The following PBX1 variants were observed in gnomAD, a reference collection of about 807,000 sequenced individuals.
PBX1 encodes the protein PBX homeobox 1, also known as pre-B-cell leukemia transcription factor 1.
In PBX1, 6 loss-of-function variants were observed where a neutral mutation model predicts 53.4. The ratio of observed to expected loss-of-function variants is 0.11; its 90% CI spans 0.06 to 0.22. PBX1 has a LOEUF of 0.22. Among genes scored for constraint, PBX1 ranks in the 10% least tolerant of loss-of-function variants. The pLI, the probability that PBX1 is intolerant of heterozygous loss-of-function variation, is 1.00. For missense variants in PBX1, 251 were observed against 551.4 expected (o/e 0.46, Z 5.46); for synonymous variants, 204 against 212.3 (o/e 0.96, Z 0.34).
rs370054577 is a variant in PBX1 at position 164,702,175 on chromosome 1, A to G, written c.266-90319A>G. Among the ~76,000 whole-genome samples the G allele has an allele frequency of 6.0e-5, 9 of 149,036 alleles. No individual in the cohort carries two copies. In the East Asian group the frequency reaches 1.2e-3, roughly 21 times the overall value. On this transcript the variant is annotated intron_variant, in intron 2 of 8. Coordinates refer to ENST00000420696, the MANE Select transcript of PBX1 (RefSeq NM_002585.4). ...TTGCCCTGGCTGGCAGTATGAGACA[A>G]TTACCACGATGAGGTTTTTTTTTTA...
Position 164,707,418 on chromosome 1 carries a change from T to TGTGTGTGAGAGAGAGA in PBX1, c.266-85075_266-85074insTGTGTGAGAGAGAGAG, listed in dbSNP as rs58617739. On this transcript the variant is annotated intron_variant, in intron 2 of 8. Transcript: ENST00000420696. The stretch of plus-strand genomic sequence containing the variant: ...AGGTGTGTGTGTGTGTGTGTGTGTG[T>TGTGTGTGAGAGAGAGA]GAGAGAGAGAGAGAGAGAGAGAGAG... Among the ~76,000 whole-genome samples the TGTGTGTGAGAGAGAGA allele has an allele frequency of 8.4e-4, 99 of 118,252 alleles. 1 individual carries two copies. The highest frequency in any genetic ancestry group is 3.6e-3 in the African/African-American group (93 of 26,134). The allele number at this position is 118,252 out of a possible 152,430, so 77.6% of individuals were successfully genotyped here. A position where few individuals can be genotyped will look rare whatever the true frequency, so the allele number is the denominator to read the frequency against.
At chr1:164,595,582 G>GCCTA (rs961857589) in intron 2 of PBX1, among the ~76,000 whole-genome samples, 1 of 151,706 alleles carries the variant, frequency 6.6e-6, no homozygotes, top group Non-Finnish European at 1.5e-5. Flanking sequence ...CATTGTCAGC[G>GCCTA]CCTAGCTCAG....
In PBX1 at chr1:164,847,467, G is replaced by C. The variant is rs1033390093; in HGVS notation, c.*791G>C. The C allele has an allele frequency of 9.4e-7, 1 of 1,062,970 alleles. No homozygotes were observed. Among genetic ancestry groups the C allele is most frequent in the African/African-American group, 1.6e-5 (1 of 60,930 alleles). 65.8% of individuals were successfully genotyped at this position (1,062,970 alleles called of 1,614,324 possible). On this transcript the variant is annotated 3_prime_UTR_variant, in exon 9 of 9. Coordinates refer to ENST00000420696, the MANE Select transcript of PBX1 (RefSeq NM_002585.4). ...GCTAGCAATAGCTCTCAGTTTCAGA[G>C]GCACAGTCTTTGGAGACCATTCAGC... is the stretch of plus-strand genomic sequence containing the variant.
chr1:164,821,386 C>T, intron 7 of PBX1, 151 bp from the exon 8 acceptor site: 2 of 651,520 alleles, frequency 3.1e-6, no homozygotes, highest in African/African-American at 1.8e-5. Flanking sequence ...GGAAGCTAGC[C>T]TCCTCCTAAT....
chr1:164,663,288 ACCTGCCTGCCTTCCTG>A lies in PBX1; in HGVS notation c.265+99981_265+99996del, dbSNP rs1472234027. Among the ~76,000 whole-genome samples, 14 of 123,810 alleles carry A rather than the reference ACCTGCCTGCCTTCCTG, an allele frequency of 1.1e-4. No individual in the cohort carries two copies. The Admixed American group carries it at 1.1e-3, about 10-fold the overall frequency. 81.2% of individuals were successfully genotyped at this position (123,810 alleles called of 152,430 possible). On this transcript the variant is annotated intron_variant, in intron 2 of 8. Coordinates refer to ENST00000420696, the MANE Select transcript of PBX1 (RefSeq NM_002585.4). ...TGCCTGCCTGCCTGCCTGCCTTCCT[ACCTGCCTGCCTTCCTG>A]CCTTCCTCTCTCTCTCTCTCTCTTC... is the stretch of plus-strand genomic sequence containing the variant.
downstream of PBX1, chr1:164,854,094 C>A (rs549682280): frequency 4.0e-5 from 6 of 151,788 alleles, no homozygotes; most frequent in East Asian, 9.7e-4. Flanking sequence ...ATAGTAGAGA[C>A]GAGGTCTCAC....
In PBX1 at chr1:164,851,554, AT is replaced by A. The variant is rs1337318368; in HGVS notation, c.*4881del. On this transcript the variant is annotated 3_prime_UTR_variant, in exon 9 of 9. Transcript: ENST00000420696. Reference sequence around the variant, plus strand: ...TTACTTCTTTCCTTTGGCATTTTCAATTTGAAATGCTTTCCTTTGGTTGTTG... The same window carrying A: ...TTACTTCTTTCCTTTGGCATTTTCAATTGAAATGCTTTCCTTTGGTTGTTG... The A allele has an allele frequency of 2.1e-5, 4 of 186,600 alleles. No individual in the cohort carries two copies. The highest frequency in any genetic ancestry group is 3.9e-4 in the South Asian group (2 of 5,126). The allele number at this position is 186,600 out of a possible 1,614,324, so 11.6% of individuals were successfully genotyped here.
At chr1:164,878,460 A>G (rs192536261) in intron 2 of PBX1, among the ~76,000 whole-genome samples, 105 of 152,276 alleles carry the variant, frequency 6.9e-4, no homozygotes, top group African/African-American at 2.4e-3. Flanking sequence ...TGGCATATGA[A>G]TTAGCTTTTT....
intron 2 of PBX1, among the ~76,000 whole-genome samples, chr1:164,717,130 C>T (rs186993622): frequency 2.1e-4 from 32 of 152,178 alleles, no homozygotes; most frequent in Non-Finnish European, 3.8e-4. Context: ...AGTTTTTGTA[C>T]GGGTAAAATA....
chr1:164,681,627 A>G (rs761975119), intron 2 of PBX1, among the ~76,000 whole-genome samples: 48 of 152,314 alleles, frequency 3.2e-4, no homozygotes, highest in Non-Finnish European at 4.1e-4. Flanking sequence ...TGAAAACTCA[A>G]TTGTAAAAAC....
chr1:164,832,783 A>C (rs906254971), intron 8 of PBX1, among the ~76,000 whole-genome samples: 16 of 152,182 alleles, frequency 1.1e-4, no homozygotes, highest in Admixed American at 4.6e-4. Context: ...AATTGCATGT[A>C]AATTGCAAAA....
chr1:164,736,469 G>A (rs890774564), intron 2 of PBX1, among the ~76,000 whole-genome samples: 1 of 152,014 alleles, frequency 6.6e-6, no homozygotes, highest in Admixed American at 6.6e-5. Flanking sequence ...CTCATTCCAC[G>A]CTCTCTCGTC....
chr1:164,680,080 T>A (rs1661671981), intron 2 of PBX1: 1 of 152,186 alleles, frequency 6.6e-6, no homozygotes, highest in South Asian at 2.1e-4. Context: ...GTCCATTCCA[T>A]GTGGAAATCC....
chr1:164,680,880 C>T (rs573918438), intron 2 of PBX1: 1 of 152,336 alleles, frequency 6.6e-6, no homozygotes, highest in South Asian at 2.1e-4. Context: ...CCTTAGGTTT[C>T]TGTGCATTAT....
intron 2 of PBX1, chr1:164,605,247 T>G (rs1656471392): frequency 6.6e-6 from 1 of 152,046 alleles, no homozygotes; most frequent in South Asian, 2.1e-4. Context: ...ATAAAGGGGA[T>G]GTAAGGGGCA....
At chr1:164,594,559 G>A (rs960315098) in intron 2 of PBX1, among the ~76,000 whole-genome samples, 1 of 152,110 alleles carries the variant, frequency 6.6e-6, no homozygotes, top group African/African-American at 2.4e-5. Flanking sequence ...GGGATTACAG[G>A]CATGAGCCAC....
At chr1:164,633,583 C>T (rs924896491) in intron 2 of PBX1, among the ~76,000 whole-genome samples, 2 of 152,104 alleles carry the variant, frequency 1.3e-5, no homozygotes, top group Non-Finnish European at 2.9e-5. Context: ...GAATGGTGTA[C>T]GTTATCATGA....
At chr1:164,653,971 A>G (rs1182456616) in intron 2 of PBX1, among the ~76,000 whole-genome samples, 1 of 152,150 alleles carries the variant, frequency 6.6e-6, no homozygotes, top group Non-Finnish European at 1.5e-5. Context: ...TAGTTATTTG[A>G]TTTTAAAATT....
At chr1:164,751,271 C>T (rs572345582) in intron 2 of PBX1, among the ~76,000 whole-genome samples, 194 of 148,556 alleles carry the variant, frequency 1.3e-3, no homozygotes, top group African/African-American at 4.5e-3. Flanking sequence ...GCTGAGATCA[C>T]GCCACTGCAC....
Sources: gnomAD v4.1 joint callset for allele counts (sites outside exome capture counted in the v4.1 genomes callset) on GRCh38, gnomAD v4.1.1 for gene constraint, MANE v1.5 for transcripts, NCBI Gene and HGNC (gene_info 2026-07-23, HGNC 2026-07-21) for gene names.